TRA2A: variants seen among roughly 807,000 people sequenced by gnomAD.
TRA2A encodes the protein transformer-2 protein homolog alpha.
In TRA2A, 31 loss-of-function variants were observed where a neutral mutation model predicts 45.7. The observed-to-expected ratio is 0.68, with a 90% CI of 0.51 to 0.92. TRA2A has a LOEUF of 0.92. Among genes scored for constraint, TRA2A ranks in the 40% least tolerant of loss-of-function variants. TRA2A has a pLI of 0.00. For synonymous variants in TRA2A, 132 were observed against 126.2 expected (o/e 1.05, Z -0.31); for missense variants, 304 against 367.5 (o/e 0.83, Z 1.41).
At chr7:23,531,704 C>T in intron 1 of TRA2A, 85 bp downstream of exon 1, 1 of 1,523,044 alleles carries the variant, frequency 6.6e-7, no homozygotes, top group Non-Finnish European at 9.0e-7. Flanking sequence ...CGGGACTACC[C>T]GCAACCCCGC....
At chr7:23,527,567 C>T (rs1790389410) in intron 1 of TRA2A, among the ~76,000 whole-genome samples, 1 of 152,220 alleles carries the variant, frequency 6.6e-6, no homozygotes, top group Non-Finnish European at 1.5e-5. Flanking sequence ...AACTACTATG[C>T]TGATTATTGA....
intron 1 of TRA2A, among the ~76,000 whole-genome samples, chr7:23,528,792 T>C (rs1376898023): frequency 6.6e-6 from 1 of 151,890 alleles, no homozygotes; most frequent in Non-Finnish European, 1.5e-5. Flanking sequence ...CTCAGCCTCC[T>C]AAGTAGCTAG....
intron 5 of TRA2A, 112 bp downstream of exon 5, chr7:23,507,308 G>A: frequency 1.2e-6 from 1 of 804,460 alleles, no homozygotes; most frequent in Non-Finnish European, 2.0e-6. Context: ...TTGCCATGTT[G>A]CCCCTTGCCA....
intron 2 of TRA2A, 123 bp downstream of exon 2, chr7:23,521,584 C>G (rs1467881730): frequency 2.8e-4 from 300 of 1,090,468 alleles, no homozygotes; most frequent in Non-Finnish European, 2.4e-5. Flanking sequence ...TTACAAAGAG[C>G]AGTCTGAGAA....
At chr7:23,513,133 G>C (rs768752021) in intron 3 of TRA2A, 51 bp from the exon 4 acceptor site, 1 of 1,320,062 alleles carries the variant, frequency 7.6e-7, no homozygotes, top group Non-Finnish European at 1.1e-6. Context: ...CAAAATCAAA[G>C]AAACACAGAA....
intron 2 of TRA2A, among the ~76,000 whole-genome samples, chr7:23,518,400 G>T (rs953590747): frequency 1.3e-5 from 2 of 152,108 alleles, no homozygotes; most frequent in Non-Finnish European, 2.9e-5. Flanking sequence ...GGAGTGCAAT[G>T]GCACAATCTC....
At chr7:23,517,843 TGGAGG>T (rs1789957013) in intron 2 of TRA2A, among the ~76,000 whole-genome samples, 1 of 151,286 alleles carries the variant, frequency 6.6e-6, no homozygotes, top group African/African-American at 2.4e-5. Flanking sequence ...ACCCGGGAGG[TGGAGG>T]CTGCAGTGAG....
chr7:23,531,939 C>A lies in TRA2A; in HGVS notation c.-115G>T. The A allele has an allele frequency of 1.8e-6, 2 of 1,129,480 alleles. No individual in the cohort carries two copies. The highest frequency in any genetic ancestry group is 2.4e-5 in the East Asian group (1 of 41,400). The allele number at this position is 1,129,480 out of a possible 1,614,324, so 70.0% of individuals were successfully genotyped here. A position where few individuals can be genotyped will look rare whatever the true frequency, so the allele number is the denominator to read the frequency against. ...AAGAGGAAAGAGTCGGCAACCACAG[C>A]CGCTCCACTCCACTCCCACTCGGTC... is the stretch of plus-strand genomic sequence containing the variant. On this transcript the variant is annotated 5_prime_UTR_variant, in exon 1 of 8. Transcript: ENST00000297071.
At chr7:23,516,319 TA>T in intron 3 of TRA2A, 43 bp downstream of exon 3, 5 of 1,607,008 alleles carry the variant, frequency 3.1e-6, no homozygotes, top group Non-Finnish European at 4.3e-6. Context: ...ACTAAACACA[TA>T]AAAGAGAAAA....
At chr7:23,506,096 T>C in intron 6 of TRA2A, 42 bp downstream of exon 6, 17 of 1,536,972 alleles carry the variant, frequency 1.1e-5, no homozygotes, top group Non-Finnish European at 1.5e-5. Context: ...GTAACACTAC[T>C]ATCATCTAAT....
chr7:23,508,855 C>A (rs1373182761), intron 4 of TRA2A, among the ~76,000 whole-genome samples: 1 of 152,094 alleles, frequency 6.6e-6, no homozygotes, highest in Non-Finnish European at 1.5e-5. Context: ...TAACTCGTGG[C>A]CTCAAGTGGC....
chr7:23,522,345 C>A (rs777821474), intron 1 of TRA2A: 1 of 1,249,956 alleles, frequency 8.0e-7, no homozygotes, highest in Non-Finnish European at 1.0e-6. Flanking sequence ...ATTTTCTGAT[C>A]TTTAATACTT....
chr7:23,517,610 C>CAAAACA (rs1292133540), intron 2 of TRA2A, among the ~76,000 whole-genome samples: 1 of 142,162 alleles, frequency 7.0e-6, no homozygotes, highest in Non-Finnish European at 1.5e-5. Flanking sequence ...GAAACAAAGA[C>CAAAACA]AAAACAAAAC....
intron 3 of TRA2A, among the ~76,000 whole-genome samples, chr7:23,514,778 G>A (rs547411453): frequency 2.0e-5 from 3 of 152,158 alleles, no homozygotes; most frequent in South Asian, 2.1e-4. Context: ...ATTCTTTAGC[G>A]AGGATATTCT....
chr7:23,506,549 G>A (rs1195414498), intron 5 of TRA2A: 1 of 379,676 alleles, frequency 2.6e-6, no homozygotes. Context: ...AAACGATGAA[G>A]CACTGTGTTG....
intron 1 of TRA2A, chr7:23,531,261 C>T: frequency 1.0e-6 from 1 of 987,436 alleles, no homozygotes; most frequent in Non-Finnish European, 1.2e-6. Context: ...AACAGAGACG[C>T]GGCCGCTCAC....
chr7:23,525,282 C>T (rs13240694), intron 1 of TRA2A, among the ~76,000 whole-genome samples: 58,778 of 151,906 alleles, frequency 0.39, 11,814 homozygotes, highest in African/African-American at 0.49. Flanking sequence ...TAAAACTATC[C>T]ACAATTTGGA....
At chr7:23,528,447 C>T (rs965602240) in intron 1 of TRA2A, among the ~76,000 whole-genome samples, 4 of 152,096 alleles carry the variant, frequency 2.6e-5, no homozygotes, top group African/African-American at 9.7e-5. Context: ...ACCTTGTGAT[C>T]CGCCCGCCTC....
rs764849438 is a variant in TRA2A, at chr7:23,517,503, A to AAAAAAAAG, written c.171-976_171-975insCTTTTTTT. Among the ~76,000 whole-genome samples the AAAAAAAAG allele has an allele frequency of 5.2e-4, 61 of 116,242 alleles. 5 individuals carry two copies. Among genetic ancestry groups the AAAAAAAAG allele is most frequent in the African/African-American group, 1.1e-3 (33 of 30,886 alleles). The allele number at this position is 116,242 out of a possible 152,430, so 76.3% of individuals were successfully genotyped here. On this transcript the variant is annotated intron_variant, in intron 2 of 7. Transcript: ENST00000297071. ...AAAAAAAAAAAAAAAAAAAAAAAAA[A>AAAAAAAAG]AGAGAGAAAGAAAGAAAAATCACTT...
Sources: gnomAD v4.1 joint callset for allele counts (sites outside exome capture counted in the v4.1 genomes callset) on GRCh38, gnomAD v4.1.1 for gene constraint, MANE v1.5 for transcripts, NCBI Gene and HGNC (gene_info 2026-07-23, HGNC 2026-07-21) for gene names.